Variants in MEF2A observed in about 807,000 individuals in gnomAD.
MEF2A encodes myocyte-specific enhancer factor 2A.
In MEF2A, 28 loss-of-function variants were observed where a neutral mutation model predicts 55.8. The observed-to-expected ratio is 0.50, with a 90% confidence interval of 0.37 to 0.69. MEF2A has a LOEUF of 0.69. Ranked by LOEUF, MEF2A falls within the 30% of genes least tolerant of loss-of-function variation. The pLI is 0.00. For synonymous variants in MEF2A, 239 were observed against 227.1 expected (o/e 1.05, Z -0.47); for missense variants, 528 against 626.2 (o/e 0.84, Z 1.67).
intron 1 of MEF2A, among the ~76,000 whole-genome samples, chr15:99,597,294 C>G (rs1335843634): frequency 6.6e-6 from 1 of 152,122 alleles, no homozygotes; most frequent in Non-Finnish European, 1.5e-5. Flanking sequence ...AACTGGCCCC[C>G]CGGGTGTGGT....
intron 3 of MEF2A, among the ~76,000 whole-genome samples, chr15:99,636,005 TTTACACTCTGCTG>T (rs1567282496): frequency 6.6e-6 from 1 of 152,186 alleles, no homozygotes; most frequent in East Asian, 1.9e-4. Context: ...GTTCTACTGG[TTTACACTCTGCTG>T]GCAGAGTGTA....
rs2058093474 is a variant in MEF2A, at chr15:99,706,866, T to C, written c.1009+11T>C. 4 of 1,612,408 alleles carry C rather than the reference T, an allele frequency of 2.5e-6. No homozygotes were observed. The highest frequency in any genetic ancestry group is 3.4e-6 in the Non-Finnish European group (4 of 1,178,684). On this transcript the variant is annotated intron_variant, in intron 10 of 11. Transcript: ENST00000557942. ...CTGCCTACAACACTGGTGAGCCTGC[T>C]CTGGTGCCTTCCGTAGGTTTTACCG...
intron 3 of MEF2A, among the ~76,000 whole-genome samples, chr15:99,644,765 C>T (rs1403056366): frequency 6.6e-6 from 1 of 152,098 alleles, no homozygotes; most frequent in African/African-American, 2.4e-5. Flanking sequence ...AAGAGAGTTC[C>T]CTTGCATTCC....
intron 5 of MEF2A, among the ~76,000 whole-genome samples, chr15:99,672,885 G>A (rs2051150408): frequency 6.6e-6 from 1 of 152,194 alleles, no homozygotes; most frequent in African/African-American, 2.4e-5. Flanking sequence ...AAGCAAAGAT[G>A]TCTCTGTCTC....
At chr15:99,590,079 A>G (rs1277952263) in intron 1 of MEF2A, among the ~76,000 whole-genome samples, 1 of 152,072 alleles carries the variant, frequency 6.6e-6, no homozygotes, top group African/African-American at 2.4e-5. Context: ...AGTTAGTGTG[A>G]AGGAAGTATT....
intron 1 of MEF2A, among the ~76,000 whole-genome samples, chr15:99,578,830 T>C (rs1965112724): frequency 6.6e-6 from 1 of 152,242 alleles, no homozygotes; most frequent in South Asian, 2.1e-4. Flanking sequence ...GGATTGGAAC[T>C]TAAACCTGAT....
chr15:99,709,286 G>A (rs2058363577), intron 10 of MEF2A, among the ~76,000 whole-genome samples: 1 of 152,336 alleles, frequency 6.6e-6, no homozygotes, highest in African/African-American at 2.4e-5. Context: ...GCTTCTGCAC[G>A]AGCTGCTGGG....
At chr15:99,629,962 G>C (rs908318765) in intron 2 of MEF2A, among the ~76,000 whole-genome samples, 1 of 151,540 alleles carries the variant, frequency 6.6e-6, no homozygotes, top group African/African-American at 2.4e-5. Context: ...TCTCTCTTTG[G>C]GGGTGGGGGA....
At chr15:99,620,342 AC>A (rs2040929863) in intron 2 of MEF2A, among the ~76,000 whole-genome samples, 1 of 152,126 alleles carries the variant, frequency 6.6e-6, no homozygotes, top group African/African-American at 2.4e-5. Flanking sequence ...CCCACCTCTT[AC>A]GCTCCTCCCT....
chr15:99,630,511 A>C (rs2042781263), intron 2 of MEF2A, among the ~76,000 whole-genome samples: 1 of 152,102 alleles, frequency 6.6e-6, no homozygotes, highest in Admixed American at 6.5e-5. Flanking sequence ...TGATAACACC[A>C]TTATCTGGAT....
At chr15:99,683,451 G>T (rs2053610548) in intron 7 of MEF2A, among the ~76,000 whole-genome samples, 1 of 152,168 alleles carries the variant, frequency 6.6e-6, no homozygotes, top group Non-Finnish European at 1.5e-5. Context: ...CTGTTGCCCA[G>T]GCTGGACTAC....
intron 1 of MEF2A, among the ~76,000 whole-genome samples, chr15:99,566,848 G>A (rs930320554): frequency 6.6e-6 from 1 of 152,200 alleles, no homozygotes; most frequent in Admixed American, 6.5e-5. Flanking sequence ...CGATCGTGCG[G>A]GGAGACGTCG....
intron 7 of MEF2A, among the ~76,000 whole-genome samples, chr15:99,689,347 C>G (rs1264176391): frequency 1.3e-5 from 2 of 152,220 alleles, no homozygotes; most frequent in Non-Finnish European, 2.9e-5. Flanking sequence ...ACCTAGTTCA[C>G]TACTCAGAAC....
intron 8 of MEF2A, among the ~76,000 whole-genome samples, chr15:99,700,752 A>C (rs1230891539): frequency 6.6e-6 from 1 of 152,118 alleles, no homozygotes; most frequent in Non-Finnish European, 1.5e-5. Context: ...GTCAGAGGTT[A>C]AGAAAGTGCG....
chr15:99,667,111 T>C (rs1380629122), intron 4 of MEF2A, among the ~76,000 whole-genome samples: 1 of 152,230 alleles, frequency 6.6e-6, no homozygotes, highest in African/African-American at 2.4e-5. Flanking sequence ...ATAAGTTCTA[T>C]CGAGGGTTAC....
At chr15:99,706,610 A>T in intron 9 of MEF2A, 119 bp from the exon 10 acceptor site, 1 of 1,095,990 alleles carries the variant, frequency 9.1e-7, no homozygotes, top group Non-Finnish European at 1.4e-6. Flanking sequence ...TCACATCATC[A>T]GTGCTTCAGA....
intron 4 of MEF2A, among the ~76,000 whole-genome samples, chr15:99,667,973 G>A (rs2050124694): frequency 6.6e-6 from 1 of 151,982 alleles, no homozygotes; most frequent in Admixed American, 6.5e-5. Context: ...GCGTTGAAAG[G>A]TAAATATTAG....
At chr15:99,575,294 A>G (rs550318018) in intron 1 of MEF2A, among the ~76,000 whole-genome samples, 50 of 152,336 alleles carry the variant, frequency 3.3e-4, no homozygotes, top group African/African-American at 1.2e-3. Context: ...ATATTATACA[A>G]TGCATTTTAA....
intron 1 of MEF2A, among the ~76,000 whole-genome samples, chr15:99,584,746 T>C (rs1188305979): frequency 6.6e-6 from 1 of 152,022 alleles, no homozygotes; most frequent in African/African-American, 2.4e-5. Flanking sequence ...TTTTAAAGGG[T>C]GATGAAAATG....
Sources: gnomAD v4.1 joint callset for allele counts (sites outside exome capture counted in the v4.1 genomes callset) on GRCh38, gnomAD v4.1.1 for gene constraint, MANE v1.5 for transcripts, NCBI Gene and HGNC (gene_info 2026-07-23, HGNC 2026-07-21) for gene names.